MS4A6E: variants seen among roughly 807,000 people sequenced by gnomAD.
The protein encoded by MS4A6E is membrane spanning 4-domains A6E, also known as membrane-spanning 4-domains subfamily A member 6E.
MS4A6E carries 8 observed loss-of-function variants against 13.2 expected under a neutral mutation model. That is an observed-to-expected ratio of 0.60 (90% CI 0.35 to 1.09). MS4A6E has a LOEUF of 1.09. MS4A6E is among the 50% of genes least tolerant of loss of function. MS4A6E has a pLI of 0.02. For synonymous variants in MS4A6E, 72 were observed against 67.6 expected (o/e 1.06, Z -0.32); for missense variants, 177 against 171.1 (o/e 1.03, Z -0.19).
chr11:60,330,335 C>CTTTTTTTT (rs71036576), intron 1 of MS4A6E, among the ~76,000 whole-genome samples: 1 of 61,168 alleles, frequency 1.6e-5, no homozygotes, highest in Non-Finnish European at 3.0e-5. Context: ...AATTTTGGCT[C>CTTTTTTTT]TTTTTTTTTT....
chr11:60,338,008 T>C, intron 3 of MS4A6E, 61 bp downstream of exon 3: 1 of 1,512,960 alleles, frequency 6.6e-7, no homozygotes, highest in East Asian at 2.3e-5. Context: ...CTTGATTTCT[T>C]ATTATTCCAT....
At chr11:60,340,434 G>A (rs1398361615) in intron 4 of MS4A6E, among the ~76,000 whole-genome samples, 1 of 151,962 alleles carries the variant, frequency 6.6e-6, no homozygotes, top group Non-Finnish European at 1.5e-5. Context: ...TTTTCCTCCT[G>A]GTGATTTTAA....
chr11:60,348,172 G>GT lies in MS4A6E; in HGVS notation c.*162+7251dup, dbSNP rs527983130. ...TTTTCTCCTAATGGTTAAAGGTAGAGTTTTTTTCCATTCACAGAAGGAGCA... is the reference window on the plus strand; with the variant it reads ...TTTTCTCCTAATGGTTAAAGGTAGAGTTTTTTTTCCATTCACAGAAGGAGCA... On this transcript the variant is annotated intron_variant and NMD_transcript_variant, in intron 4 of 4. Transcript: ENST00000532756. Among the ~76,000 whole-genome samples, 20 of 152,262 alleles carry GT rather than the reference G, an allele frequency of 1.3e-4. No homozygotes were observed. In the East Asian group the frequency reaches 3.1e-3, roughly 24 times the overall value.
downstream of MS4A6E, among the ~76,000 whole-genome samples, chr11:60,343,139 A>G (rs2085238555): frequency 1.3e-5 from 2 of 152,070 alleles, no homozygotes; most frequent in Admixed American, 1.3e-4. Context: ...CTTCTAGGCC[A>G]AAAGAGATAA....
chr11:60,331,630 A>AC (rs906888816), intron 1 of MS4A6E, among the ~76,000 whole-genome samples: 1 of 152,214 alleles, frequency 6.6e-6, no homozygotes, highest in African/African-American at 2.4e-5. Flanking sequence ...TCATTGCATC[A>AC]CATAAGGATG....
At chr11:60,330,093 G>A (rs2085144795) in intron 1 of MS4A6E, among the ~76,000 whole-genome samples, 1 of 150,148 alleles carries the variant, frequency 6.7e-6, no homozygotes, top group African/African-American at 2.5e-5. Flanking sequence ...CTAAAGTGCT[G>A]GGATTACAGG....
intron 1 of MS4A6E, among the ~76,000 whole-genome samples, chr11:60,328,212 AAT>A (rs1475361316): frequency 6.6e-6 from 1 of 152,180 alleles, no homozygotes; most frequent in Admixed American, 6.5e-5. Flanking sequence ...GACTGCTTAT[AAT>A]AAAATACGGG....
intron 4 of MS4A6E, among the ~76,000 whole-genome samples, chr11:60,348,662 G>T (rs2085266301): frequency 1.3e-5 from 2 of 152,200 alleles, no homozygotes; most frequent in Admixed American, 6.5e-5. Context: ...ACCCTGGCGA[G>T]AAATCCTCAT....
At chr11:60,344,925 TTTTTTTG>T (rs1489403748), downstream of MS4A6E, among the ~76,000 whole-genome samples, 86 of 150,774 alleles carry the variant, frequency 5.7e-4, no homozygotes, top group African/African-American at 1.5e-3. Context: ...TTTTTGTTTG[TTTTTTTG>T]TTTTTTGTTT....
At chr11:60,332,598 G>A (rs2085163845) in intron 1 of MS4A6E, among the ~76,000 whole-genome samples, 1 of 152,066 alleles carries the variant, frequency 6.6e-6, no homozygotes, top group Admixed American at 6.6e-5. Context: ...TCTTATGTCA[G>A]TTTGACATGG....
chr11:60,345,211 G>C (rs2085250724), downstream of MS4A6E, among the ~76,000 whole-genome samples: 1 of 152,208 alleles, frequency 6.6e-6, no homozygotes, highest in Non-Finnish European at 1.5e-5. Context: ...TGGGATTACA[G>C]GCTTGAGCCA....
intron 2 of MS4A6E, among the ~76,000 whole-genome samples, chr11:60,335,966 G>A (rs1461326945): frequency 6.6e-6 from 1 of 152,120 alleles, no homozygotes; most frequent in Non-Finnish European, 1.5e-5. Flanking sequence ...GAGGGTGGAG[G>A]GTGGGAGGAG....
intron 2 of MS4A6E, among the ~76,000 whole-genome samples, 191 bp from the exon 3 acceptor site, chr11:60,337,550 T>C (rs1350668643): frequency 6.6e-6 from 1 of 152,186 alleles, no homozygotes; most frequent in Non-Finnish European, 1.5e-5. Flanking sequence ...TGTTCATTCA[T>C]TCAGCCAAGT....
chr11:60,348,746 C>T (rs2085266622), intron 4 of MS4A6E, among the ~76,000 whole-genome samples: 1 of 152,214 alleles, frequency 6.6e-6, no homozygotes, highest in Non-Finnish European at 1.5e-5. Context: ...AAAATATGGC[C>T]AACATGCCCA....
chr11:60,348,781 A>T (rs1299090587), intron 4 of MS4A6E, among the ~76,000 whole-genome samples: 1 of 152,278 alleles, frequency 6.6e-6, no homozygotes, highest in Non-Finnish European at 1.5e-5. Flanking sequence ...TGGCCATGGT[A>T]TCTCCAGGAA....
downstream of MS4A6E, among the ~76,000 whole-genome samples, chr11:60,342,090 G>C (rs1249410651): frequency 2.0e-5 from 3 of 151,120 alleles, no homozygotes; most frequent in East Asian, 5.8e-4. Flanking sequence ...ACTGTTATTT[G>C]AGCACAGAAT....
intron 1 of MS4A6E, among the ~76,000 whole-genome samples, 121 bp downstream of exon 1, chr11:60,327,529 A>G (rs2085127434): frequency 6.6e-6 from 1 of 152,208 alleles, no homozygotes; most frequent in South Asian, 2.1e-4. Flanking sequence ...TCGAACACCT[A>G]AAAATGTGGA....
rs763522336 is a variant in MS4A6E, at chr11:60,337,824, A to C, written c.231A>C (p.Ala77=). The C allele has an allele frequency of 5.0e-6, 8 of 1,614,194 alleles. No homozygotes were observed. The highest frequency in any genetic ancestry group is 6.8e-6 in the Non-Finnish European group (8 of 1,180,052). The part of the protein sequence containing the change: ...GFILLSVNPA[A]LNPASLQCKL... ...TTCTCCTGTCTGTCAACCCGGCTGC[A>C]TTAAATCCTGCCTCATTGCAGTGTA... Residue 77 remains alanine (A), a synonymous_variant, in exon 3 of 5, where the codon GCA becomes GCC. Transcript: ENST00000684409.
intron 2 of MS4A6E, chr11:60,335,707 A>T (rs1358730475): frequency 7.2e-6 from 3 of 418,338 alleles, no homozygotes; most frequent in African/African-American, 4.1e-5. Flanking sequence ...TCCTTGCCTC[A>T]TGTACAATCA....
Sources: allele counts gnomAD v4.1 joint callset (sites outside exome capture counted in the v4.1 genomes callset), GRCh38; gene constraint gnomAD v4.1.1; transcripts MANE v1.5; gene names NCBI Gene and HGNC (gene_info 2026-07-23, HGNC 2026-07-21).